Variants in COL18A1 observed in about 807,000 individuals in gnomAD.
COL18A1 encodes collagen alpha-1(XVIII) chain.
In COL18A1, 133 loss-of-function variants were observed where a neutral mutation model predicts 168.0. The ratio of observed to expected loss-of-function variants is 0.79; its 90% confidence interval spans 0.69 to 0.91. COL18A1 has a LOEUF of 0.91. COL18A1 is among the 40% of genes least tolerant of loss of function. COL18A1 has a pLI of 0.00. For missense variants in COL18A1, 2,126 were observed against 1,925.4 expected (o/e 1.10, Z -1.95); for synonymous variants, 949 against 809.0 (o/e 1.17, Z -2.94).
chr21:45,467,880 A>G (rs2035270502), intron 2 of COL18A1, among the ~76,000 whole-genome samples: 1 of 152,116 alleles, frequency 6.6e-6, no homozygotes, highest in Non-Finnish European at 1.5e-5. Flanking sequence ...CTGCCCATCA[A>G]TGCTCAAAGC....
Position 45,468,278 on chromosome 21 carries a change from T to A in COL18A1, c.143T>A (p.Leu48His), listed in dbSNP as rs2145889793. The A allele has an allele frequency of 6.2e-7, 1 of 1,613,130 alleles. No homozygotes were observed. The highest frequency in any genetic ancestry group is 1.1e-5 in the South Asian group (1 of 91,086). ...GAGGAGGTGGGGCTGCTGCAGCTCCTTGGGGACCCCCCGCCCCAGCAGGTC... is the reference window on the plus strand; with the variant it reads ...GAGGAGGTGGGGCTGCTGCAGCTCCATGGGGACCCCCCGCCCCAGCAGGTC... ...ISEEVGLLQLLGDPPPQQVTQ... is the reference protein window; with the variant it reads ...ISEEVGLLQLHGDPPPQQVTQ... Residue 48 changes from leucine to histidine, a missense_variant, in exon 3 of 42, where the codon CTT becomes CAT. Coordinates refer to ENST00000651438, the MANE Select transcript of COL18A1 (RefSeq NM_001379500.1).
In COL18A1 at chr21:45,485,591, G is replaced by A. The variant is rs143137447; in HGVS notation, c.1702-1270G>A. Among the ~76,000 whole-genome samples, 26 of 152,348 alleles carry A rather than the reference G, an allele frequency of 1.7e-4. No individual in the cohort carries two copies. In the East Asian group the frequency reaches 2.9e-3, roughly 17 times the overall value. ...AGAAAGTAAAATCTAAGATTCTCAT[G>A]AAGTTAGCCCTCAAGTTAAGTGGGT... On this transcript the variant is annotated intron_variant, in intron 15 of 41. Transcript: ENST00000651438.
chr21:45,435,723 G>T (rs1382969595), intron 2 of COL18A1, among the ~76,000 whole-genome samples: 1 of 152,138 alleles, frequency 6.6e-6, no homozygotes, highest in Non-Finnish European at 1.5e-5. Flanking sequence ...TGAAGGGTCT[G>T]CCGTGGGCTG....
At position 45,443,766 on chromosome 21, in the gene COL18A1, C is replaced by T. The variant is rs1362862431; in HGVS notation, c.107-24476C>T. ...AGTCTTTATGAGAGCAATGCGGCCC[C>T]GTGCCCCTTTACGCGGCTCTGCTGG... On this transcript the variant is annotated intron_variant, in intron 2 of 41. Transcript: ENST00000651438. This position sits in a 1 kb window ranked among gnomAD's most constrained non-coding sequence, Gnocchi z 5.2. 2.0e-5 allele frequency among the ~76,000 whole-genome samples: 3 copies of T among 152,200 alleles called. No individual in the cohort carries two copies. Among genetic ancestry groups the T allele is most frequent in the Non-Finnish European group, 2.9e-5 (2 of 68,030 alleles).
rs904397342 is a variant in COL18A1 at position 45,493,270 on chromosome 21, G to A, written c.2277+45G>A. 3 of 1,546,814 alleles carry A rather than the reference G, an allele frequency of 1.9e-6. No homozygotes were observed. The African/African-American group carries it at 4.1e-5, about 21-fold the overall frequency. The stretch of plus-strand genomic sequence containing the variant: ...TCCCTCAACCCCCTTTGTGACCCAG[G>A]GGTGGCTCCAGCCTGCCCAGATGAC... On this transcript the variant is annotated intron_variant, in intron 25 of 41. Transcript: ENST00000651438.
In COL18A1 at chr21:45,498,677, G is replaced by A. The variant is rs1355711670; in HGVS notation, c.2683+1016G>A. 3 of 673,830 alleles carry A rather than the reference G, an allele frequency of 4.5e-6. No individual in the cohort carries two copies. The East Asian group carries it at 8.2e-5, about 18-fold the overall frequency. 41.7% of individuals were successfully genotyped at this position (673,830 alleles called of 1,614,324 possible). A position where few individuals can be genotyped will look rare whatever the true frequency, so the allele number is the denominator to read the frequency against. Reference sequence around the variant, plus strand: ...GGAAGATGTGCCCATGCCAGCCTTGGATCTCTCAGCGTCACACACGACGCC... The same window carrying A: ...GGAAGATGTGCCCATGCCAGCCTTGAATCTCTCAGCGTCACACACGACGCC... On this transcript the variant is annotated intron_variant, in intron 32 of 41. Coordinates refer to ENST00000651438, the MANE Select transcript of COL18A1 (RefSeq NM_001379500.1). This position sits in a 1 kb window ranked among gnomAD's most constrained non-coding sequence, Gnocchi z 4.5.
chr21:45,454,854 G>A (rs2034743274), intron 2 of COL18A1, among the ~76,000 whole-genome samples: 1 of 152,214 alleles, frequency 6.6e-6, no homozygotes, highest in South Asian at 2.1e-4. Flanking sequence ...CCTGGTCCCG[G>A]GCTCCGTCTC....
At chr21:45,484,676 A>G (rs2036046592) in intron 15 of COL18A1, among the ~76,000 whole-genome samples, 1 of 151,872 alleles carries the variant, frequency 6.6e-6, no homozygotes, top group South Asian at 2.1e-4. Context: ...ACACACATGT[A>G]TCTAGGTATG....
chr21:45,453,048 A>G (rs1172933094), intron 2 of COL18A1, among the ~76,000 whole-genome samples: 1 of 151,716 alleles, frequency 6.6e-6, no homozygotes, highest in Non-Finnish European at 1.5e-5. Context: ...ACATGTAAGC[A>G]TGTATGTACA....
At chr21:45,405,551 T>C in intron 2 of COL18A1, 78 bp downstream of exon 2, 1 of 905,514 alleles carries the variant, frequency 1.1e-6, no homozygotes, top group Non-Finnish European at 1.4e-6. Context: ...CCCGCCCGGC[T>C]CCCTCACCCC....
At chr21:45,489,547 A>G (rs771312419) in intron 19 of COL18A1, 26 bp downstream of exon 19, 1 of 1,553,730 alleles carries the variant, frequency 6.4e-7, no homozygotes, top group South Asian at 1.2e-5. Flanking sequence ...GGGTTCAGGG[A>G]CGTGGCCAGG....
intron 2 of COL18A1, among the ~76,000 whole-genome samples, chr21:45,418,375 G>C: frequency 1.3e-5 from 2 of 152,130 alleles, no homozygotes; most frequent in Non-Finnish European, 2.9e-5. Flanking sequence ...GCAGCTCAGT[G>C]CTGGGCTCAT....
intron 2 of COL18A1, chr21:45,456,843 A>C (rs2034844033): frequency 2.0e-6 from 3 of 1,509,204 alleles, no homozygotes; most frequent in Non-Finnish European, 2.7e-6. Flanking sequence ...CTCCCGACCC[A>C]GGAGGATGGG....
intron 6 of COL18A1, among the ~76,000 whole-genome samples, chr21:45,476,782 G>A (rs1360012773): frequency 6.7e-6 from 1 of 150,268 alleles, no homozygotes; most frequent in Non-Finnish European, 1.5e-5. Context: ...TGTGTGTGGT[G>A]TGGTGTGTGT....
chr21:45,489,566 G>A (rs755695780), intron 19 of COL18A1, 45 bp downstream of exon 19: 9 of 1,444,326 alleles, frequency 6.2e-6, no homozygotes, highest in Non-Finnish European at 8.5e-6. Flanking sequence ...GGCAGAGGCA[G>A]GGAGGGCCCA....
Position 45,509,395 on chromosome 21 carries a change from C to CT in COL18A1, c.3290dup (p.His1098AlafsTer23). The CT allele has an allele frequency of 6.5e-7, 1 of 1,543,354 alleles. No individual in the cohort carries two copies. The highest frequency in any genetic ancestry group is 8.7e-7 in the Non-Finnish European group (1 of 1,145,144). On this transcript the variant is annotated frameshift_variant, in exon 39 of 42. Transcript: ENST00000651438. LOFTEE classifies it high-confidence loss of function. ...CGCCTTGCAGCCCCCCGTGGTGCAG[C>CT]TGCACGACAGCAACCCCTACCCGCG...
chr21:45,411,256 C>T (rs553107544), intron 2 of COL18A1, among the ~76,000 whole-genome samples: 1 of 152,274 alleles, frequency 6.6e-6, no homozygotes, highest in South Asian at 2.1e-4. Context: ...CCCATGGAGC[C>T]AGTGTCTGTG....
At position 45,512,440 on chromosome 21, in the gene COL18A1, G is replaced by A. The variant is rs369684141; in HGVS notation, c.*42G>A. 3.4e-5 allele frequency: 54 copies of A among 1,584,456 alleles called. No individual in the cohort carries two copies. Among genetic ancestry groups the A allele is most frequent in the South Asian group, 1.1e-4 (10 of 88,018 alleles). On this transcript the variant is annotated 3_prime_UTR_variant, in exon 42 of 42. Coordinates refer to ENST00000651438, the MANE Select transcript of COL18A1 (RefSeq NM_001379500.1). ...GATGGCCGGAGAGGACCGGCGGCTC[G>A]GAGGAAGCCCCCACCGTGGGCAGGG...
At chr21:45,427,771 C>T (rs547542487) in intron 2 of COL18A1, among the ~76,000 whole-genome samples, 1 of 152,346 alleles carries the variant, frequency 6.6e-6, no homozygotes, top group South Asian at 2.1e-4. Context: ...CACGTGACTC[C>T]CATGCGCCCT....
Sources: allele counts gnomAD v4.1 joint callset (sites outside exome capture counted in the v4.1 genomes callset), GRCh38; gene constraint gnomAD v4.1.1; non-coding constraint Gnocchi (gnomAD v3.1); transcripts MANE v1.5; gene names NCBI Gene and HGNC (gene_info 2026-07-23, HGNC 2026-07-21).